Variants in PIP5K1B observed in about 807,000 individuals in gnomAD.
PIP5K1B encodes phosphatidylinositol-4-phosphate 5-kinase type 1 beta.
A neutral mutation model predicts 67.0 loss-of-function variants in PIP5K1B; 42 were observed. The ratio of observed to expected loss-of-function variants is 0.63; its 90% confidence interval spans 0.49 to 0.81. The LOEUF is 0.81. Ranked by LOEUF, PIP5K1B falls within the 30% of genes least tolerant of loss-of-function variation. PIP5K1B has a pLI of 0.00. For missense variants in PIP5K1B, 459 were observed against 646.3 expected, an observed-to-expected ratio of 0.71 and a Z score of 3.14; for synonymous variants, 214 against 231.4, an observed-to-expected ratio of 0.92 and a Z score of 0.68.
At chr9:68,781,875 A>C (rs1251976637) in intron 2 of PIP5K1B, 1 of 167,020 alleles carries the variant, frequency 6.0e-6, no homozygotes, top group East Asian at 1.9e-4. Context: ...CAAACTTAAA[A>C]GTTTTTCAAA....
In PIP5K1B at chr9:68,777,774, A is replaced by G. The variant is rs375167266; in HGVS notation, c.-86+35117A>G. Among the ~76,000 whole-genome samples the G allele has an allele frequency of 1.1e-3, 161 of 152,372 alleles. 2 individuals carry two copies. Among genetic ancestry groups the G allele is most frequent in the Middle Eastern group, 6.8e-3 (2 of 294 alleles). On this transcript the variant is annotated intron_variant, in intron 2 of 15. Coordinates refer to ENST00000265382, the MANE Select transcript of PIP5K1B (RefSeq NM_003558.4). ...TCTGGTACATTTGAGCCACATTGATAATAATGTAGTAATATGAAGTTAACA... is the reference window on the plus strand; with the variant it reads ...TCTGGTACATTTGAGCCACATTGATGATAATGTAGTAATATGAAGTTAACA...
intron 15 of PIP5K1B, among the ~76,000 whole-genome samples, chr9:69,005,913 T>C (rs1407382130): frequency 1.3e-5 from 2 of 151,794 alleles, no homozygotes; most frequent in Non-Finnish European, 1.5e-5. Flanking sequence ...AGGGTCTCTC[T>C]CCGTCACCCA....
At chr9:68,723,920 T>C (rs1295612238) in intron 1 of PIP5K1B, among the ~76,000 whole-genome samples, 1 of 152,074 alleles carries the variant, frequency 6.6e-6, no homozygotes, top group Non-Finnish European at 1.5e-5. Flanking sequence ...CCTGTGCTTT[T>C]GGGTCTTACC....
chr9:68,894,686 T>A, intron 8 of PIP5K1B, 48 bp downstream of exon 8: 1 of 1,536,748 alleles, frequency 6.5e-7, no homozygotes, highest in Non-Finnish European at 8.9e-7. Flanking sequence ...TGTGCTCATG[T>A]AAACTGTGGC....
Position 68,822,184 on chromosome 9 carries a change from G to A in PIP5K1B, c.1-431G>A, listed in dbSNP as rs139021478. On this transcript the variant is annotated intron_variant, in intron 3 of 15. Coordinates refer to ENST00000265382, the MANE Select transcript of PIP5K1B (RefSeq NM_003558.4). Reference sequence around the variant, plus strand: ...TTAAAAGGCTATGTAGCCTGGGCACGGTGGCACATGCCTATAATCTCAGTT... The same window carrying A: ...TTAAAAGGCTATGTAGCCTGGGCACAGTGGCACATGCCTATAATCTCAGTT... 5.3e-3 allele frequency among the ~76,000 whole-genome samples: 809 copies of A among 152,216 alleles called. 6 individuals carry two copies. Among genetic ancestry groups the A allele is most frequent in the African/African-American group, 0.018 (759 of 41,522 alleles).
chr9:68,738,439 T>C (rs959369535), intron 1 of PIP5K1B, among the ~76,000 whole-genome samples: 11 of 152,198 alleles, frequency 7.2e-5, no homozygotes, highest in African/African-American at 2.7e-4. Flanking sequence ...TATGAGAGCA[T>C]GCTATAATAA....
At chr9:68,946,156 T>A (rs1827794213) in intron 14 of PIP5K1B, among the ~76,000 whole-genome samples, 1 of 152,168 alleles carries the variant, frequency 6.6e-6, no homozygotes, top group South Asian at 2.1e-4. Context: ...GCAGGAATCT[T>A]TAATATTTAC....
At position 69,008,818 on chromosome 9, in the gene PIP5K1B, G is replaced by A. The variant is rs1223256739; in HGVS notation, c.*369G>A. 1.0e-5 allele frequency: 2 copies of A among 199,000 alleles called. No individual in the cohort carries two copies. The highest frequency in any genetic ancestry group is 1.1e-4 in the Admixed American group (2 of 18,958). The allele number at this position is 199,000 out of a possible 1,614,324, so 12.3% of individuals were successfully genotyped here. ...CAGTGATTATACATAAGCAACATAT[G>A]TAATCTGCTTATATATTTTTAAAAA... On this transcript the variant is annotated 3_prime_UTR_variant, in exon 16 of 16. Transcript: ENST00000265382.
chr9:68,733,608 T>C (rs1457867972), intron 1 of PIP5K1B, among the ~76,000 whole-genome samples: 8 of 149,074 alleles, frequency 5.4e-5, no homozygotes, highest in Non-Finnish European at 1.2e-4. Flanking sequence ...AGATCCCCAC[T>C]TATTGAAATA....
intron 3 of PIP5K1B, chr9:68,822,294 T>C: frequency 1.0e-5 from 2 of 192,332 alleles, no homozygotes; most frequent in South Asian, 2.3e-4. Flanking sequence ...GCATTCCAAT[T>C]CCAGCCTGGG....
chr9:68,810,902 A>C (rs1330338875), intron 2 of PIP5K1B, among the ~76,000 whole-genome samples: 3 of 152,200 alleles, frequency 2.0e-5, no homozygotes, highest in African/African-American at 7.2e-5. Flanking sequence ...TTGATTAGAC[A>C]ATCTTCTCAT....
At chr9:68,782,871 A>C (rs1273704286) in intron 2 of PIP5K1B, 1 of 167,048 alleles carries the variant, frequency 6.0e-6, no homozygotes, top group Non-Finnish European at 1.5e-5. Flanking sequence ...AGCTCAATTG[A>C]TGTCATCACT....
At chr9:68,998,951 C>T (rs1364808978) in intron 15 of PIP5K1B, among the ~76,000 whole-genome samples, 1 of 152,230 alleles carries the variant, frequency 6.6e-6, no homozygotes, top group African/African-American at 2.4e-5. Flanking sequence ...CAAATGACCA[C>T]AGACAGAAAT....
intron 4 of PIP5K1B, among the ~76,000 whole-genome samples, chr9:68,848,021 T>A (rs1305096143): frequency 6.6e-6 from 1 of 152,174 alleles, no homozygotes; most frequent in Non-Finnish European, 1.5e-5. Flanking sequence ...TTAACAGATC[T>A]AGGTTCAAGG....
chr9:68,930,186 A>G (rs1826921562), intron 12 of PIP5K1B, among the ~76,000 whole-genome samples: 1 of 152,024 alleles, frequency 6.6e-6, no homozygotes, highest in Admixed American at 6.6e-5. Context: ...CTCTTCTTAT[A>G]CAGCACTCTG....
chr9:68,713,443 G>A (rs1827489710), intron 1 of PIP5K1B, among the ~76,000 whole-genome samples: 1 of 152,160 alleles, frequency 6.6e-6, no homozygotes, highest in Admixed American at 6.5e-5. Context: ...TGAACTCTAT[G>A]GATGGAGGAC....
intron 5 of PIP5K1B, among the ~76,000 whole-genome samples, chr9:68,869,348 T>C (rs999131096): frequency 7.2e-5 from 11 of 152,196 alleles, no homozygotes; most frequent in African/African-American, 2.7e-4. Flanking sequence ...CTTATGAGAA[T>C]GTAATGCCCG....
chr9:68,823,842 C>G (rs983531266), intron 4 of PIP5K1B, among the ~76,000 whole-genome samples: 1 of 152,164 alleles, frequency 6.6e-6, no homozygotes, highest in African/African-American at 2.4e-5. Flanking sequence ...ATATTCAGGT[C>G]ATGGAACTAG....
At chr9:68,950,225 A>C (rs1827991948) in intron 14 of PIP5K1B, among the ~76,000 whole-genome samples, 1 of 152,072 alleles carries the variant, frequency 6.6e-6, no homozygotes, top group African/African-American at 2.4e-5. Context: ...CAAGCAGGGT[A>C]ATTCTCTTTC....
Sources: allele counts gnomAD v4.1 joint callset (sites outside exome capture counted in the v4.1 genomes callset), GRCh38; gene constraint gnomAD v4.1.1; transcripts MANE v1.5; gene names NCBI Gene and HGNC (gene_info 2026-07-23, HGNC 2026-07-21).